SHROOM3: variants seen among roughly 807,000 people sequenced by gnomAD.
The protein encoded by SHROOM3 is protein Shroom3.
In SHROOM3, 47 loss-of-function variants were observed where a neutral mutation model predicts 138.6. That is an observed-to-expected ratio of 0.34 (90% CI 0.27 to 0.43). The LOEUF is 0.43. Among genes scored for constraint, SHROOM3 ranks in the 20% least tolerant of loss-of-function variants. The probability of loss-of-function intolerance (pLI) is 1.00; values close to 1 mark genes in which losing one functional copy is unlikely to be tolerated. For missense variants in SHROOM3, 2,491 were observed against 2,596.5 expected (o/e 0.96, Z 0.88); for synonymous variants, 1,062 against 1,063.3 (o/e 1.00, Z 0.02).
chr4:76,616,193 G>C (rs976034008), intron 2 of SHROOM3, among the ~76,000 whole-genome samples: 1 of 152,162 alleles, frequency 6.6e-6, no homozygotes, highest in Non-Finnish European at 1.5e-5. Context: ...TAGGTAAGAC[G>C]AAGTTCCTGT....
intron 1 of SHROOM3, among the ~76,000 whole-genome samples, chr4:76,445,980 G>A (rs887507613): frequency 3.9e-5 from 6 of 152,154 alleles, no homozygotes; most frequent in African/African-American, 1.4e-4. Context: ...TTGCTGTTGG[G>A]AGAGTTTTCC....
intron 1 of SHROOM3, among the ~76,000 whole-genome samples, chr4:76,545,152 G>T (rs1733186137): frequency 6.6e-6 from 1 of 151,702 alleles, no homozygotes; most frequent in African/African-American, 2.4e-5. Context: ...CTAACAGGAG[G>T]CAGGGTATAA....
At chr4:76,468,615 TATATC>T (rs1392252266) in intron 1 of SHROOM3, among the ~76,000 whole-genome samples, 1 of 151,330 alleles carries the variant, frequency 6.6e-6, no homozygotes, top group Non-Finnish European at 1.5e-5. Context: ...TATATATACA[TATATC>T]TAAATATTTA....
At chr4:76,615,445 G>A (rs3733247) in intron 2 of SHROOM3, among the ~76,000 whole-genome samples, 56,975 of 152,026 alleles carry the variant, frequency 0.37, 10,957 homozygotes, top group East Asian at 0.58. Flanking sequence ...GTGTTCAGAG[G>A]ACCCGCTGGA....
chr4:76,676,775 C>G (rs1018427267), intron 2 of SHROOM3, among the ~76,000 whole-genome samples: 1 of 151,864 alleles, frequency 6.6e-6, no homozygotes, highest in African/African-American at 2.4e-5. Flanking sequence ...AACCCTGTCT[C>G]TACTAAAAAT....
intron 5 of SHROOM3, among the ~76,000 whole-genome samples, chr4:76,743,730 A>C (rs1293811731): frequency 6.6e-6 from 1 of 152,162 alleles, no homozygotes; most frequent in African/African-American, 2.4e-5. Context: ...GTACAGAAAT[A>C]TTTTCTCCCA....
chr4:76,759,801 C>A, intron 9 of SHROOM3, 106 bp downstream of exon 9: 1 of 1,311,044 alleles, frequency 7.6e-7, no homozygotes, highest in Non-Finnish European at 1.1e-6. Context: ...GGGGAAAGGA[C>A]CTGTCACATC....
Position 76,608,673 on chromosome 4 carries a change from T to TAGCATAGCATAGCATAGCAC in SHROOM3, c.323+52914_323+52915insTAGCATAGCATAGCACAGCA, listed in dbSNP as rs1734692965. Among the ~76,000 whole-genome samples the TAGCATAGCATAGCATAGCAC allele has an allele frequency of 1.8e-3, 191 of 108,072 alleles. 20 individuals carry two copies. Among genetic ancestry groups the TAGCATAGCATAGCATAGCAC allele is most frequent in the African/African-American group, 6.3e-3 (181 of 28,704 alleles). 70.9% of individuals were successfully genotyped at this position (108,072 alleles called of 152,430 possible). On this transcript the variant is annotated intron_variant, in intron 2 of 10. Transcript: ENST00000296043. ...TAGCATAGCATAGCATAGCACAGCA[T>TAGCATAGCATAGCATAGCAC]AGCACAGCACAGCACAGCACAGCAC... is the stretch of plus-strand genomic sequence containing the variant.
At position 76,782,083 on chromosome 4, in the gene SHROOM3, A is replaced by G. The variant is rs1227593154; in HGVS notation, c.*2906A>G. The G allele has an allele frequency of 6.6e-6, 1 of 152,174 alleles. No individual in the cohort carries two copies. The highest frequency in any genetic ancestry group is 1.5e-5 in the Non-Finnish European group (1 of 68,038). 9.4% of individuals were successfully genotyped at this position (152,174 alleles called of 1,614,324 possible). A position where few individuals can be genotyped will look rare whatever the true frequency, so the allele number is the denominator to read the frequency against. ...GCCTCCACTTCCTGGGCCACTTGAG[A>G]AGTTCCTGGGCATGTCACTACATGT... On this transcript the variant is annotated 3_prime_UTR_variant, in exon 11 of 11. Transcript: ENST00000296043.
chr4:76,670,357 G>A (rs1005968372), intron 2 of SHROOM3, among the ~76,000 whole-genome samples: 8 of 152,112 alleles, frequency 5.3e-5, no homozygotes, highest in African/African-American at 1.9e-4. Flanking sequence ...TACATATTGT[G>A]ATTCAAGTTA....
intron 3 of SHROOM3, among the ~76,000 whole-genome samples, chr4:76,724,117 C>T (rs1027840845): frequency 2.6e-5 from 4 of 152,220 alleles, no homozygotes; most frequent in Non-Finnish European, 5.9e-5. Context: ...CATCATGTCA[C>T]TTGCGAATTC....
chr4:76,767,799 C>T (rs985519512), intron 9 of SHROOM3, among the ~76,000 whole-genome samples: 3 of 152,164 alleles, frequency 2.0e-5, no homozygotes, highest in East Asian at 1.9e-4. Context: ...AATGACAACA[C>T]ACCATACTAG....
chr4:76,709,530 A>G lies in SHROOM3; in HGVS notation c.324-626A>G, dbSNP rs770226256. 1.1e-3 allele frequency among the ~76,000 whole-genome samples: 161 copies of G among 147,714 alleles called. 1 individual carries two copies. Among genetic ancestry groups the G allele is most frequent in the Non-Finnish European group, 1.6e-3 (105 of 66,764 alleles). Reference sequence around the variant, plus strand: ...TTTCTCTGACTCCCTGGGAGTATGGAGGAAGAGAGTTATGGGAATGGTGTT... The same window carrying G: ...TTTCTCTGACTCCCTGGGAGTATGGGGGAAGAGAGTTATGGGAATGGTGTT... On this transcript the variant is annotated intron_variant, in intron 2 of 10. Transcript: ENST00000296043.
intron 1 of SHROOM3, among the ~76,000 whole-genome samples, chr4:76,459,353 A>G (rs140868848): frequency 2.6e-5 from 4 of 152,310 alleles, no homozygotes; most frequent in African/African-American, 9.6e-5. Context: ...TTCCCCATTA[A>G]GGCATGCTTG....
chr4:76,508,677 A>C (rs932636930), intron 1 of SHROOM3, among the ~76,000 whole-genome samples: 1 of 152,228 alleles, frequency 6.6e-6, no homozygotes, highest in Non-Finnish European at 1.5e-5. Context: ...CTTCCAATCA[A>C]TGAACGTGGG....
At chr4:76,670,437 G>A (rs985561807) in intron 2 of SHROOM3, among the ~76,000 whole-genome samples, 1 of 152,104 alleles carries the variant, frequency 6.6e-6, no homozygotes, top group Non-Finnish European at 1.5e-5. Flanking sequence ...GTTAGGGGGT[G>A]GGAGCAGGGA....
intron 2 of SHROOM3, among the ~76,000 whole-genome samples, chr4:76,655,009 G>T (rs1220018939): frequency 6.6e-6 from 1 of 152,140 alleles, no homozygotes; most frequent in Non-Finnish European, 1.5e-5. Context: ...TGGTGAAAAT[G>T]AATCATTCAG....
intron 1 of SHROOM3, among the ~76,000 whole-genome samples, chr4:76,501,872 A>G (rs1579197581): frequency 6.6e-6 from 1 of 152,278 alleles, no homozygotes; most frequent in East Asian, 1.9e-4. Context: ...TCATCTGGCC[A>G]GTCATCTGTA....
chr4:76,744,711 ACTGT>A (rs1328949550), intron 5 of SHROOM3, among the ~76,000 whole-genome samples: 1 of 152,208 alleles, frequency 6.6e-6, no homozygotes, highest in Non-Finnish European at 1.5e-5. Context: ...ACTTGTAGAG[ACTGT>A]CTGCCTGAGT....
Sources: gnomAD v4.1 joint callset for allele counts (sites outside exome capture counted in the v4.1 genomes callset) on GRCh38, gnomAD v4.1.1 for gene constraint, MANE v1.5 for transcripts, NCBI Gene and HGNC (gene_info 2026-07-23, HGNC 2026-07-21) for gene names.